Variants in SEMA3A observed in about 807,000 individuals in gnomAD.
The protein encoded by SEMA3A is semaphorin 3A.
In SEMA3A, 29 loss-of-function variants were observed where a neutral mutation model predicts 97.9. The observed-to-expected ratio is 0.30, with a 90% confidence interval of 0.22 to 0.40. SEMA3A has a LOEUF of 0.40. Ranked by LOEUF, SEMA3A falls within the 10% of genes least tolerant of loss-of-function variation. The pLI is 1.00. For synonymous variants in SEMA3A, 321 were observed against 323.7 expected, an observed-to-expected ratio of 0.99 and a Z score of 0.09; for missense variants, 763 against 951.3, an observed-to-expected ratio of 0.80 and a Z score of 2.60.
intron 2 of SEMA3A, among the ~76,000 whole-genome samples, chr7:84,134,506 C>T (rs1022111500): frequency 2.2e-4 from 33 of 152,096 alleles, no homozygotes; most frequent in African/African-American, 7.2e-4. Flanking sequence ...TGTATTGCTA[C>T]GATGGTTCAA....
intron 4 of SEMA3A, among the ~76,000 whole-genome samples, chr7:84,104,782 AGTT>A (rs3839786): frequency 0.3 from 45,699 of 151,864 alleles, 7,155 homozygotes; most frequent in African/African-American, 0.4. Flanking sequence ...TACACTAGTG[AGTT>A]GTTATCTCAG....
intron 1 of SEMA3A, among the ~76,000 whole-genome samples, chr7:84,432,860 AT>A (rs34970127): frequency 0.046 from 6,352 of 138,842 alleles, 331 homozygotes; most frequent in African/African-American, 0.15. Context: ...ACAAATGTGA[AT>A]TTTTTTTTTT....
At chr7:84,463,366 A>G (rs1444573408) in intron 1 of SEMA3A, among the ~76,000 whole-genome samples, 4 of 146,966 alleles carry the variant, frequency 2.7e-5, no homozygotes, top group African/African-American at 1.0e-4. Context: ...CTCCTGCCTC[A>G]GCCTCCCGAG....
chr7:84,180,014 T>A (rs1014090545), intron 1 of SEMA3A, among the ~76,000 whole-genome samples: 3 of 147,308 alleles, frequency 2.0e-5, no homozygotes, highest in Non-Finnish European at 3.0e-5. Flanking sequence ...TGGCGCGATC[T>A]CGGCTCACCA....
intron 3 of SEMA3A, among the ~76,000 whole-genome samples, chr7:84,240,224 C>T (rs1275134867): frequency 6.6e-6 from 1 of 152,004 alleles, no homozygotes; most frequent in African/African-American, 2.4e-5. Context: ...ACTTGTTATG[C>T]ATAATTTTTA....
chr7:84,331,443 T>A (rs1006629751), intron 2 of SEMA3A, among the ~76,000 whole-genome samples: 1 of 152,160 alleles, frequency 6.6e-6, no homozygotes, highest in African/African-American at 2.4e-5. Flanking sequence ...CTGTTTCAAA[T>A]TCACTTAATT....
chr7:84,363,613 G>C (rs62472624), intron 2 of SEMA3A, among the ~76,000 whole-genome samples: 1 of 151,738 alleles, frequency 6.6e-6, no homozygotes, highest in Non-Finnish European at 1.5e-5. Context: ...TGTGGAATTG[G>C]CCTATTGTGA....
intron 5 of SEMA3A, among the ~76,000 whole-genome samples, chr7:84,055,334 T>G (rs967247480): frequency 2.0e-5 from 3 of 152,194 alleles, no homozygotes; most frequent in Admixed American, 6.5e-5. Context: ...GATCTCAGAC[T>G]GCTGTGCTAG....
At chr7:84,045,416 G>A (rs534327282) in intron 6 of SEMA3A, among the ~76,000 whole-genome samples, 1 of 151,482 alleles carries the variant, frequency 6.6e-6, no homozygotes, top group Non-Finnish European at 1.5e-5. Context: ...TAAGATTGAA[G>A]GTAGGTATAA....
intron 2 of SEMA3A, among the ~76,000 whole-genome samples, chr7:84,365,290 G>A (rs1802818958): frequency 6.6e-6 from 1 of 151,452 alleles, no homozygotes; most frequent in South Asian, 2.1e-4. Flanking sequence ...TATATTAAAA[G>A]TTTGGAACCA....
chr7:84,063,839 C>A lies in SEMA3A; in HGVS notation c.454-3281G>T, dbSNP rs866251692. On this transcript the variant is annotated intron_variant, in intron 4 of 16. Coordinates refer to ENST00000265362, the MANE Select transcript of SEMA3A (RefSeq NM_006080.3). ...GGGAGAATGGAACCAAGTTGGAAAA[C>A]ACTCTGCAGGATATTATCCAGGAGA... Among the ~76,000 whole-genome samples, 87 of 149,686 alleles carry A rather than the reference C, an allele frequency of 5.8e-4. No individual in the cohort carries two copies. The Middle Eastern group carries it at 0.02, about 35-fold the overall frequency.
Position 83,977,135 on chromosome 7 carries a change from G to A in SEMA3A, c.1714C>T (p.His572Tyr). Reference protein sequence around the residue: ...DPLTHCSDLHHDNHHGHSPEE... With the variant: ...DPLTHCSDLHYDNHHGHSPEE... ...AAAGATGAAAAATGTGACTTACCAT[G>A]GTGTAAGTCTGAACAGTGAGTCAGT... The change falls in exon 15 of 17, where the codon CAT (histidine) becomes TAT (tyrosine). Residue 572 changes from histidine to tyrosine, a missense_variant. Transcript: ENST00000265362. 1 of 1,540,000 alleles carries A rather than the reference G, an allele frequency of 6.5e-7. No individual in the cohort carries two copies.
At chr7:84,007,757 C>T (rs1395280848) in intron 9 of SEMA3A, among the ~76,000 whole-genome samples, 2 of 151,978 alleles carry the variant, frequency 1.3e-5, no homozygotes, top group African/African-American at 4.8e-5. Flanking sequence ...TCATATGAAA[C>T]ATAGAGTACT....
chr7:84,335,539 G>T (rs148061834), intron 2 of SEMA3A, among the ~76,000 whole-genome samples: 2 of 152,132 alleles, frequency 1.3e-5, no homozygotes, highest in South Asian at 4.1e-4. Flanking sequence ...TTTAGTTTTC[G>T]CTGAAAAGCG....
intron 1 of SEMA3A, among the ~76,000 whole-genome samples, chr7:84,180,651 G>A (rs1469125615): frequency 6.6e-6 from 1 of 152,060 alleles, no homozygotes; most frequent in Non-Finnish European, 1.5e-5. Context: ...TTGTGCCACT[G>A]CAGTCCAGCC....
chr7:84,364,685 T>C (rs1304790974), intron 2 of SEMA3A, among the ~76,000 whole-genome samples: 2 of 151,750 alleles, frequency 1.3e-5, no homozygotes, highest in Non-Finnish European at 2.9e-5. Flanking sequence ...TTTCAATTAA[T>C]TATAGATTAG....
At chr7:84,001,134 C>CAAAT (rs1790429843) in intron 12 of SEMA3A, among the ~76,000 whole-genome samples, 1 of 151,302 alleles carries the variant, frequency 6.6e-6, no homozygotes, top group African/African-American at 2.4e-5. Context: ...TCAAAAAATT[C>CAAAT]AAATAACACA....
Position 84,134,658 on chromosome 7 carries a change from T to A in SEMA3A, c.270+136A>T. ...TCCATTGATTCATTACTGTCATTTT[T>A]ATTTGCATCAGAAAAGACAAACTAT... On this transcript the variant is annotated intron_variant, in intron 2 of 16. Coordinates refer to ENST00000265362, the MANE Select transcript of SEMA3A (RefSeq NM_006080.3). 4 of 605,014 alleles carry A rather than the reference T, an allele frequency of 6.6e-6. No homozygotes were observed. The South Asian group carries it at 1.3e-4, about 20-fold the overall frequency. 37.5% of individuals were successfully genotyped at this position (605,014 alleles called of 1,614,324 possible).
At chr7:84,086,572 T>A (rs1457346185) in intron 4 of SEMA3A, among the ~76,000 whole-genome samples, 1 of 56,804 alleles carries the variant, frequency 1.8e-5, no homozygotes, top group African/African-American at 3.5e-5. Flanking sequence ...TATATTATAT[T>A]TACATATAAT....
Sources: gnomAD v4.1 joint callset for allele counts (sites outside exome capture counted in the v4.1 genomes callset) on GRCh38, gnomAD v4.1.1 for gene constraint, MANE v1.5 for transcripts, NCBI Gene and HGNC (gene_info 2026-07-23, HGNC 2026-07-21) for gene names.